The following GRIA4 variants were observed in gnomAD, a reference collection of about 807,000 sequenced individuals.
The protein encoded by GRIA4 is glutamate ionotropic receptor AMPA type subunit 4, also known as glutamate receptor 4.
Under a neutral mutation model 104.0 loss-of-function variants are expected in GRIA4, and 34 were observed. That is an observed-to-expected ratio of 0.33 (90% CI 0.25 to 0.44). The LOEUF (loss-of-function observed/expected upper bound fraction) is 0.44, where lower values mean the gene tolerates loss of function less well. Among genes scored for constraint, GRIA4 ranks in the 20% least tolerant of loss-of-function variants. The pLI is 1.00. For synonymous variants in GRIA4, 386 were observed against 381.9 expected (o/e 1.01, Z -0.13); for missense variants, 750 against 1,096.5 (o/e 0.68, Z 4.46).
chr11:105,948,267 C>G (rs890033598), intron 14 of GRIA4, among the ~76,000 whole-genome samples: 1 of 152,118 alleles, frequency 6.6e-6, no homozygotes, highest in African/African-American at 2.4e-5. Flanking sequence ...AGAGCAACAT[C>G]CAAATACTGA....
At chr11:105,764,937 A>G (rs972421640) in intron 4 of GRIA4, among the ~76,000 whole-genome samples, 1 of 152,162 alleles carries the variant, frequency 6.6e-6, no homozygotes, top group African/African-American at 2.4e-5. Context: ...CAAGAGACCA[A>G]TTAAAGACAT....
At chr11:105,934,840 T>G (rs1457032103) in intron 14 of GRIA4, among the ~76,000 whole-genome samples, 2 of 152,104 alleles carry the variant, frequency 1.3e-5, no homozygotes. Context: ...TGGGGCTGGA[T>G]CCCATCAAAA....
At position 105,661,445 on chromosome 11, in the gene GRIA4, A is replaced by G. The variant is rs544223480; in HGVS notation, c.247+49011A>G. Among the ~76,000 whole-genome samples, 6 of 151,796 alleles carry G rather than the reference A, an allele frequency of 4.0e-5. No homozygotes were observed. The South Asian group carries it at 1.2e-3, about 31-fold the overall frequency. ...ATAATATTATGTAGCCCTTATTTGG[A>G]TTTTGATTCAGAGTTTTGGGGAAAA... On this transcript the variant is annotated intron_variant, in intron 3 of 16. Transcript: ENST00000282499.
Position 105,644,001 on chromosome 11 carries a change from G to A in GRIA4, c.247+31567G>A, listed in dbSNP as rs891085672. Reference sequence around the variant, plus strand: ...CCCAGAGTGCTGGGATTACAGGCATGAGCCACCACTCCTGGCCCTTGCCTT... The same window carrying A: ...CCCAGAGTGCTGGGATTACAGGCATAAGCCACCACTCCTGGCCCTTGCCTT... On this transcript the variant is annotated intron_variant, in intron 3 of 16. Transcript: ENST00000282499. 2.6e-5 allele frequency among the ~76,000 whole-genome samples: 4 copies of A among 152,322 alleles called. No individual in the cohort carries two copies. The East Asian group carries it at 7.8e-4, about 30-fold the overall frequency.
At chr11:105,748,677 C>T (rs1467995546) in intron 3 of GRIA4, among the ~76,000 whole-genome samples, 3 of 152,094 alleles carry the variant, frequency 2.0e-5, no homozygotes, top group Non-Finnish European at 4.4e-5. Flanking sequence ...GCCACCGCGC[C>T]CCGCCCCTAG....
At chr11:105,896,481 A>G (rs971236540) in intron 6 of GRIA4, among the ~76,000 whole-genome samples, 7 of 151,980 alleles carry the variant, frequency 4.6e-5, no homozygotes, top group African/African-American at 1.7e-4. Flanking sequence ...TTGAGGTCCT[A>G]GTTATAAATT....
intron 5 of GRIA4, among the ~76,000 whole-genome samples, chr11:105,863,253 T>C (rs1014676709): frequency 3.3e-5 from 5 of 152,102 alleles, no homozygotes; most frequent in African/African-American, 1.2e-4. Flanking sequence ...CTCAACTATA[T>C]TAGCATTTGT....
At chr11:105,868,661 T>G (rs866501441) in intron 5 of GRIA4, among the ~76,000 whole-genome samples, 6 of 152,138 alleles carry the variant, frequency 3.9e-5, no homozygotes, top group Non-Finnish European at 8.8e-5. Context: ...CAGAGTTTGT[T>G]GTACAGGCTG....
At chr11:105,775,893 A>G (rs1941427366) in intron 4 of GRIA4, among the ~76,000 whole-genome samples, 1 of 152,018 alleles carries the variant, frequency 6.6e-6, no homozygotes, top group South Asian at 2.1e-4. Context: ...TTTGTAATAC[A>G]GACTAAAACC....
intron 3 of GRIA4, among the ~76,000 whole-genome samples, chr11:105,632,222 G>T (rs920895337): frequency 6.6e-6 from 1 of 152,300 alleles, no homozygotes; most frequent in Non-Finnish European, 1.5e-5. Context: ...CTGAATTAAA[G>T]TCTTACTCCT....
intron 3 of GRIA4, among the ~76,000 whole-genome samples, chr11:105,627,222 G>T (rs1466743631): frequency 6.6e-6 from 1 of 152,116 alleles, no homozygotes; most frequent in Non-Finnish European, 1.5e-5. Flanking sequence ...CAGCATTACA[G>T]GAAAAAGTGT....
chr11:105,610,956 GAGAA>G lies in GRIA4; in HGVS notation c.-38_-35del, dbSNP rs777489833. On this transcript the variant is annotated 5_prime_UTR_variant, in exon 2 of 17. Transcript: ENST00000282499. Reference sequence around the variant, plus strand: ...TGAACAGCCTTTAGGAAGAGTGCGAGAGAAAGAGAGAGAGCGCGCGCCAGGGAGA... The same window carrying G: ...TGAACAGCCTTTAGGAAGAGTGCGAGAGAGAGAGAGCGCGCGCCAGGGAGA... 19 of 1,272,120 alleles carry G rather than the reference GAGAA, an allele frequency of 1.5e-5. No homozygotes were observed. The African/African-American group carries it at 1.6e-4, about 11-fold the overall frequency. The allele number at this position is 1,272,120 out of a possible 1,614,324, so 78.8% of individuals were successfully genotyped here.
At chr11:105,657,507 A>G (rs1245665684) in intron 3 of GRIA4, among the ~76,000 whole-genome samples, 2 of 152,056 alleles carry the variant, frequency 1.3e-5, no homozygotes, top group Non-Finnish European at 2.9e-5. Flanking sequence ...TTGGTCTTCT[A>G]TTGATTTTCC....
At chr11:105,929,667 A>G (rs1947817345) in intron 13 of GRIA4, among the ~76,000 whole-genome samples, 1 of 152,144 alleles carries the variant, frequency 6.6e-6, no homozygotes, top group Admixed American at 6.6e-5. Flanking sequence ...TTATGATATT[A>G]CCAAATAATG....
intron 4 of GRIA4, among the ~76,000 whole-genome samples, chr11:105,776,132 A>C (rs1454771697): frequency 6.6e-6 from 1 of 152,082 alleles, no homozygotes; most frequent in Non-Finnish European, 1.5e-5. Flanking sequence ...AGACATTGAG[A>C]TTCAAAGAGG....
intron 13 of GRIA4, among the ~76,000 whole-genome samples, chr11:105,928,202 T>C (rs1441843758): frequency 6.6e-6 from 1 of 152,006 alleles, no homozygotes; most frequent in African/African-American, 2.4e-5. Flanking sequence ...TAATATCATA[T>C]CAAGAGCAAA....
intron 5 of GRIA4, 128 bp from the exon 6 acceptor site, chr11:105,887,391 A>AT: frequency 2.0e-6 from 1 of 503,538 alleles, no homozygotes; most frequent in Non-Finnish European, 3.5e-6. Context: ...CGTGACTTTT[A>AT]TTTTTTAAAA....
chr11:105,776,912 G>A (rs1234174697), intron 4 of GRIA4, among the ~76,000 whole-genome samples: 1 of 152,122 alleles, frequency 6.6e-6, no homozygotes, highest in Admixed American at 6.6e-5. Context: ...ACTGCATTTT[G>A]GATAAACCTA....
intron 4 of GRIA4, among the ~76,000 whole-genome samples, chr11:105,820,527 C>G (rs964576315): frequency 1.3e-5 from 2 of 152,034 alleles, no homozygotes; most frequent in African/African-American, 4.8e-5. Context: ...TTCTCTCAGT[C>G]TTGCATATGA....
Sources: allele counts gnomAD v4.1 joint callset (sites outside exome capture counted in the v4.1 genomes callset), GRCh38; gene constraint gnomAD v4.1.1; transcripts MANE v1.5; gene names NCBI Gene and HGNC (gene_info 2026-07-23, HGNC 2026-07-21).